AP4E1: variants seen among roughly 807,000 people sequenced by gnomAD.
The protein encoded by AP4E1 is adaptor related protein complex 4 subunit epsilon 1, also known as AP-4 complex subunit epsilon-1.
Under a neutral mutation model 128.2 loss-of-function variants are expected in AP4E1, and 56 were observed. The observed-to-expected ratio is 0.44, with a 90% CI of 0.35 to 0.55. The LOEUF is 0.55. Ranked by LOEUF, AP4E1 falls within the 20% of genes least tolerant of loss-of-function variation. The probability of loss-of-function intolerance (pLI) is 0.00; values close to 1 mark genes in which losing one functional copy is unlikely to be tolerated. For synonymous variants in AP4E1, 484 were observed against 473.1 expected, an observed-to-expected ratio of 1.02 and a Z score of -0.30; for missense variants, 1,324 against 1,307.7, an observed-to-expected ratio of 1.01 and a Z score of -0.19.
chr15:50,924,081 C>T (rs2141145487), intron 4 of AP4E1, 77 bp downstream of exon 4: 2 of 1,225,294 alleles, frequency 1.6e-6, no homozygotes, highest in South Asian at 2.5e-5. Context: ...TCATATTCAA[C>T]TAGATGAGAT....
chr15:50,911,546 G>A (rs1358006057), intron 1 of AP4E1, among the ~76,000 whole-genome samples: 2 of 143,498 alleles, frequency 1.4e-5, no homozygotes, highest in African/African-American at 2.6e-5. Context: ...GCAGTGGTAC[G>A]ATCTCGGCTC....
chr15:50,958,400 C>A, intron 13 of AP4E1, 92 bp from the exon 14 acceptor site: 1 of 1,043,250 alleles, frequency 9.6e-7, no homozygotes, highest in Non-Finnish European at 1.4e-6. Flanking sequence ...ACTTTAAATT[C>A]ACTCTAGCAG....
chr15:50,934,049 C>T (rs2063872873), intron 7 of AP4E1, among the ~76,000 whole-genome samples: 1 of 152,000 alleles, frequency 6.6e-6, no homozygotes, highest in Non-Finnish European at 1.5e-5. Flanking sequence ...CCCACAGTAT[C>T]TTCCTCATCA....
chr15:50,998,950 T>G, intron 18 of AP4E1, 122 bp from the exon 19 acceptor site: 1 of 867,844 alleles, frequency 1.2e-6, no homozygotes, highest in Non-Finnish European at 1.8e-6. Flanking sequence ...TAATGTAGTT[T>G]GTTATTAACT....
chr15:50,970,110 C>T (rs141717301), intron 15 of AP4E1, among the ~76,000 whole-genome samples: 16 of 152,222 alleles, frequency 1.1e-4, no homozygotes, highest in Admixed American at 6.5e-4. Context: ...CCTTTCCTAG[C>T]GCCTAGTATC....
chr15:50,944,447 G>A (rs558037500), intron 10 of AP4E1, among the ~76,000 whole-genome samples: 2 of 152,304 alleles, frequency 1.3e-5, no homozygotes, highest in South Asian at 4.1e-4. Flanking sequence ...TAAATTTGAT[G>A]TATGTTATCT....
At chr15:50,949,362 G>A (rs2064112753) in intron 11 of AP4E1, among the ~76,000 whole-genome samples, 1 of 149,192 alleles carries the variant, frequency 6.7e-6, no homozygotes, top group Admixed American at 6.7e-5. Flanking sequence ...ACAGTGAACC[G>A]AGATCGCACC....
chr15:51,005,491 T>C lies in AP4E1; in HGVS notation c.*2829T>C, dbSNP rs2065008005. ...AGGGTCCTGCTAGAGAAACTGCAGA[T>C]GGAAGCTGAGCAGTTACCAACTGCT... On this transcript the variant is annotated 3_prime_UTR_variant, in exon 21 of 21. Coordinates refer to ENST00000261842, the MANE Select transcript of AP4E1 (RefSeq NM_007347.5). 1 of 152,630 alleles carries C rather than the reference T, an allele frequency of 6.6e-6. No homozygotes were observed. The highest frequency in any genetic ancestry group is 1.5e-5 in the Non-Finnish European group (1 of 68,054). 9.5% of individuals were successfully genotyped at this position (152,630 alleles called of 1,614,324 possible).
At chr15:50,925,899 A>G (rs749400866) in intron 5 of AP4E1, among the ~76,000 whole-genome samples, 4 of 151,526 alleles carry the variant, frequency 2.6e-5, no homozygotes, top group Non-Finnish European at 4.4e-5. Context: ...TGCTGGGATT[A>G]CAGGTGTGAA....
chr15:51,002,833 T>C lies in AP4E1; in HGVS notation c.*171T>C. 1 of 816,566 alleles carries C rather than the reference T, an allele frequency of 1.2e-6. No individual in the cohort carries two copies. Among genetic ancestry groups the C allele is most frequent in the South Asian group, 1.7e-5 (1 of 60,282 alleles). 50.6% of individuals were successfully genotyped at this position (816,566 alleles called of 1,614,324 possible). On this transcript the variant is annotated 3_prime_UTR_variant, in exon 21 of 21. Coordinates refer to ENST00000261842, the MANE Select transcript of AP4E1 (RefSeq NM_007347.5). ...GTCAAGAAAGATCCCCAAAACTGTA[T>C]CCCTAACCTTTAACTCAGGATTGTA... is the stretch of plus-strand genomic sequence containing the variant.
chr15:50,928,781 A>C (rs1017655231), intron 5 of AP4E1, among the ~76,000 whole-genome samples: 1 of 151,684 alleles, frequency 6.6e-6, no homozygotes, highest in Non-Finnish European at 1.5e-5. Flanking sequence ...AACTAGATAA[A>C]TATATAACAC....
At chr15:50,908,951 G>A (rs1484904788) in intron 1 of AP4E1, 23 bp downstream of exon 1, 3 of 1,609,826 alleles carry the variant, frequency 1.9e-6, no homozygotes, top group Admixed American at 1.7e-5. Flanking sequence ...CGGCCCGGGA[G>A]CTCAGGGACA....
intron 8 of AP4E1, among the ~76,000 whole-genome samples, chr15:50,938,255 A>G (rs955472216): frequency 9.9e-5 from 15 of 152,150 alleles, no homozygotes; most frequent in African/African-American, 3.6e-4. Flanking sequence ...ACAGACGCAG[A>G]CAAAAACACC....
Position 51,003,514 on chromosome 15 carries a change from A to G in AP4E1, c.*852A>G, listed in dbSNP as rs2064989428. On this transcript the variant is annotated 3_prime_UTR_variant, in exon 21 of 21. Transcript: ENST00000261842. ...AAATGAAAATTTGTGATTAGAGTAT[A>G]AATGGCAAAACTATCTTTTCCTGGC... The G allele has an allele frequency of 1.3e-5, 2 of 152,360 alleles. No homozygotes were observed. The highest frequency in any genetic ancestry group is 6.5e-5 in the Admixed American group (1 of 15,282). 9.4% of individuals were successfully genotyped at this position (152,360 alleles called of 1,614,324 possible). A position where few individuals can be genotyped will look rare whatever the true frequency, so the allele number is the denominator to read the frequency against.
chr15:50,950,142 A>C lies in AP4E1; in HGVS notation c.1521A>C (p.Pro507=), dbSNP rs1413696162. ...TGGATATGGAAAATGTGTTCTATCC[A>C]CAGAGATTTCTTCAAGTTATGAGTT... ...TLLDMENVFY[P]QRFLQVMSWV... Residue 507 remains proline, a synonymous_variant, in exon 13 of 21, where the codon CCA becomes CCC. Coordinates refer to ENST00000261842, the MANE Select transcript of AP4E1 (RefSeq NM_007347.5). 6.2e-7 allele frequency: 1 copy of C among 1,612,598 alleles called. No homozygotes were observed. Among genetic ancestry groups the C allele is most frequent in the South Asian group, 1.1e-5 (1 of 91,016 alleles).
rs187027041 is a variant in AP4E1 at position 50,974,850 on chromosome 15, T to C, written c.1966+6473T>C. On this transcript the variant is annotated intron_variant, in intron 15 of 20. Transcript: ENST00000261842. The stretch of plus-strand genomic sequence containing the variant: ...GAAATGTTTATTTAAGTTATTGGCC[T>C]ATTTGTGATCAGGTTATTAGTTAAA... 7.0e-4 allele frequency among the ~76,000 whole-genome samples: 107 copies of C among 152,194 alleles called. 2 individuals carry two copies. The highest frequency in any genetic ancestry group is 2.5e-3 in the African/African-American group (104 of 41,504).
intron 16 of AP4E1, among the ~76,000 whole-genome samples, chr15:50,984,369 A>G (rs928055070): frequency 6.6e-6 from 1 of 151,918 alleles, no homozygotes; most frequent in African/African-American, 2.4e-5. Context: ...GGTTTGTTAC[A>G]TATGTATACA....
At chr15:50,945,547 G>T in intron 10 of AP4E1, 1 of 741,382 alleles carries the variant, frequency 1.3e-6, no homozygotes, top group Non-Finnish European at 2.5e-6. Context: ...CACTGGGAAA[G>T]AGCTTGTGTC....
chr15:50,952,960 ATGC>A (rs2064171504), intron 13 of AP4E1, among the ~76,000 whole-genome samples: 1 of 152,162 alleles, frequency 6.6e-6, no homozygotes. Flanking sequence ...GCAGTGGTTC[ATGC>A]CTGTCATCCC....
Sources: gnomAD v4.1 joint callset for allele counts (sites outside exome capture counted in the v4.1 genomes callset) on GRCh38, gnomAD v4.1.1 for gene constraint, MANE v1.5 for transcripts, NCBI Gene and HGNC (gene_info 2026-07-23, HGNC 2026-07-21) for gene names.